CTIF: variants seen among roughly 807,000 people sequenced by gnomAD.
CTIF encodes the protein CBP80/20-dependent translation initiation factor.
A neutral mutation model predicts 66.0 loss-of-function variants in CTIF; 21 were observed. The ratio of observed to expected loss-of-function variants is 0.32; its 90% CI spans 0.23 to 0.46. The LOEUF (loss-of-function observed/expected upper bound fraction) is 0.46. Ranked by LOEUF, CTIF falls within the 20% of genes least tolerant of loss-of-function variation. The probability of loss-of-function intolerance (pLI) is 1.00; values close to 1 mark genes in which losing one functional copy is unlikely to be tolerated. For synonymous variants in CTIF, 345 were observed against 326.4 expected (o/e 1.06, Z -0.62); for missense variants, 739 against 812.7 (o/e 0.91, Z 1.10).
At chr18:48,807,715 G>T (rs574149025) in intron 9 of CTIF, among the ~76,000 whole-genome samples, 141 of 152,126 alleles carry the variant, frequency 9.3e-4, no homozygotes, top group Non-Finnish European at 1.7e-3. Flanking sequence ...GAGTAGCTGG[G>T]ATTATAGGTA....
intron 1 of CTIF, among the ~76,000 whole-genome samples, chr18:48,549,224 G>A (rs543373073): frequency 6.6e-6 from 1 of 152,304 alleles, no homozygotes; most frequent in South Asian, 2.1e-4. Flanking sequence ...TTGCTTAGAG[G>A]ACGTAGGGGA....
At chr18:48,615,761 GC>G (rs1265104551) in intron 1 of CTIF, among the ~76,000 whole-genome samples, 1 of 152,248 alleles carries the variant, frequency 6.6e-6, no homozygotes, top group East Asian at 1.9e-4. Context: ...TGCAGAGGAA[GC>G]CTGGACAGGA....
At chr18:48,598,043 G>A (rs1199960768) in intron 1 of CTIF, among the ~76,000 whole-genome samples, 3 of 152,084 alleles carry the variant, frequency 2.0e-5, no homozygotes, top group Non-Finnish European at 2.9e-5. Context: ...TTCTGGCTGC[G>A]GCACCCTGAA....
intron 9 of CTIF, among the ~76,000 whole-genome samples, chr18:48,809,282 G>T (rs181150385): frequency 1.3e-5 from 2 of 151,972 alleles, no homozygotes; most frequent in African/African-American, 4.8e-5. Context: ...TTTATTAAAG[G>T]CTTCTCTCAG....
At chr18:48,555,137 C>T (rs756985566) in intron 1 of CTIF, among the ~76,000 whole-genome samples, 1 of 151,052 alleles carries the variant, frequency 6.6e-6, no homozygotes, top group African/African-American at 2.5e-5. Context: ...ATACGGTGTT[C>T]GAGGTGTGAC....
intron 2 of CTIF, among the ~76,000 whole-genome samples, chr18:48,620,414 AT>A (rs2090472812): frequency 6.6e-6 from 1 of 152,214 alleles, no homozygotes. Context: ...TGCATTAAGG[AT>A]AGGGACCCTA....
rs190258176 is a variant in CTIF at position 48,650,071 on chromosome 18, C to T, written c.252+13386C>T. Among the ~76,000 whole-genome samples the T allele has an allele frequency of 1.1e-4, 16 of 152,356 alleles. No individual in the cohort carries two copies. In the East Asian group the frequency reaches 2.9e-3, roughly 28 times the overall value. On this transcript the variant is annotated intron_variant, in intron 3 of 11. Coordinates refer to ENST00000256413, the MANE Select transcript of CTIF (RefSeq NM_014772.3). ...TTCTAAAAACAAGAGCGCCTCTTCT[C>T]CTCCAAAGGATTGCAGCTCCTCGCC...
intron 7 of CTIF, among the ~76,000 whole-genome samples, chr18:48,744,003 G>A (rs949101284): frequency 2.0e-5 from 3 of 152,172 alleles, no homozygotes; most frequent in African/African-American, 4.8e-5. Flanking sequence ...CTGAGAGGAG[G>A]GGCGTACTTT....
chr18:48,851,714 G>A (rs943953279), intron 10 of CTIF, among the ~76,000 whole-genome samples: 4 of 152,060 alleles, frequency 2.6e-5, no homozygotes, highest in South Asian at 2.1e-4. Context: ...AGCGACATCC[G>A]CCTGCGGCTG....
intron 9 of CTIF, among the ~76,000 whole-genome samples, chr18:48,808,516 C>CTTTTTTTTTTTTTTTTTTTTTTTTTTTT (rs34004475): frequency 7.4e-6 from 1 of 135,540 alleles, no homozygotes; most frequent in African/African-American, 2.7e-5. Flanking sequence ...ATTTTTGGTC[C>CTTTTTTTTTTTTTTTTTTTTTTTTTTTT]TTTTTTTTTT....
rs575741726 is a variant in CTIF, at chr18:48,611,833, C to T, written c.-28-7705C>T. On this transcript the variant is annotated intron_variant, in intron 1 of 11. Coordinates refer to ENST00000256413, the MANE Select transcript of CTIF (RefSeq NM_014772.3). ...GTTATACATTTTTTAATGCTGAGATCGTGACCCAGGAAATTTGTTTTGCAG... is the reference window on the plus strand; with the variant it reads ...GTTATACATTTTTTAATGCTGAGATTGTGACCCAGGAAATTTGTTTTGCAG... 3.9e-5 allele frequency among the ~76,000 whole-genome samples: 6 copies of T among 152,286 alleles called. No individual in the cohort carries two copies. In the South Asian group the frequency reaches 6.2e-4, roughly 16 times the overall value.
At chr18:48,601,021 T>C (rs980369194) in intron 1 of CTIF, among the ~76,000 whole-genome samples, 1 of 152,184 alleles carries the variant, frequency 6.6e-6, no homozygotes, top group Non-Finnish European at 1.5e-5. Flanking sequence ...TCCTACGTGT[T>C]GGGTAGACAC....
intron 1 of CTIF, among the ~76,000 whole-genome samples, chr18:48,601,961 C>T (rs556944058): frequency 4.6e-5 from 7 of 152,308 alleles, no homozygotes; most frequent in Admixed American, 6.5e-5. Flanking sequence ...TTGGCTTGCT[C>T]GTTTCACTGA....
chr18:48,636,758 C>T, intron 3 of CTIF, 73 bp downstream of exon 3: 1 of 1,205,164 alleles, frequency 8.3e-7, no homozygotes, highest in Non-Finnish European at 1.1e-6. Flanking sequence ...GGCCGGCCCA[C>T]AGTGGCTCCT....
At chr18:48,623,898 T>TAGAG (rs1568082060) in intron 2 of CTIF, among the ~76,000 whole-genome samples, 1 of 152,046 alleles carries the variant, frequency 6.6e-6, no homozygotes, top group Non-Finnish European at 1.5e-5. Flanking sequence ...GATGGATGGA[T>TAGAG]AGACAGACAG....
intron 1 of CTIF, among the ~76,000 whole-genome samples, chr18:48,602,396 T>A (rs890001527): frequency 2.0e-5 from 3 of 152,154 alleles, no homozygotes; most frequent in African/African-American, 7.2e-5. Flanking sequence ...TCAGAAGAGA[T>A]GAAACAGTCT....
intron 6 of CTIF, among the ~76,000 whole-genome samples, chr18:48,701,719 G>T (rs2092087712): frequency 6.6e-6 from 1 of 152,166 alleles, no homozygotes; most frequent in Non-Finnish European, 1.5e-5. Flanking sequence ...CTTTGCATCA[G>T]TGTCCTCACC....
At chr18:48,711,478 G>T in intron 6 of CTIF, 141 bp from the exon 7 acceptor site, 1 of 634,508 alleles carries the variant, frequency 1.6e-6, no homozygotes, top group East Asian at 2.7e-5. Context: ...TTTCAGTCTG[G>T]ATTTGGTGGT....
At chr18:48,705,852 A>G (rs1280342564) in intron 6 of CTIF, among the ~76,000 whole-genome samples, 1 of 152,220 alleles carries the variant, frequency 6.6e-6, no homozygotes, top group African/African-American at 2.4e-5. Flanking sequence ...CTCTTCTCCC[A>G]AGAAGTCCTC....
Sources: gnomAD v4.1 joint callset for allele counts (sites outside exome capture counted in the v4.1 genomes callset) on GRCh38, gnomAD v4.1.1 for gene constraint, MANE v1.5 for transcripts, NCBI Gene and HGNC (gene_info 2026-07-23, HGNC 2026-07-21) for gene names.